Variants in RP1 observed in about 807,000 individuals in gnomAD.
RP1 encodes the protein oxygen-regulated protein 1.
RP1 carries 16 observed loss-of-function variants against 14.8 expected under a neutral mutation model. That is an observed-to-expected ratio of 1.08 (90% CI 0.73 to 1.65). RP1 has a LOEUF of 1.65. RP1 is among the 40% of genes most tolerant of loss of function. The pLI is 0.00. For synonymous variants in RP1, 876 were observed against 883.6 expected, an observed-to-expected ratio of 0.99 and a Z score of 0.15; for missense variants, 2,631 against 2,535.0, an observed-to-expected ratio of 1.04 and a Z score of -0.81.
At chr8:54,733,834 G>A (rs982654078) in intron 17 of RP1, among the ~76,000 whole-genome samples, 6 of 152,176 alleles carry the variant, frequency 3.9e-5, no homozygotes, top group Non-Finnish European at 5.9e-5. Context: ...GACCACAGGC[G>A]AAAGGGAGTG....
intron 23 of RP1, among the ~76,000 whole-genome samples, chr8:54,778,625 G>A (rs897387839): frequency 3.9e-5 from 6 of 152,092 alleles, no homozygotes; most frequent in African/African-American, 1.4e-4. Flanking sequence ...GCCCAGCCAT[G>A]TTAATGCTTC....
At chr8:54,666,890 T>A (rs1480271860) in intron 7 of RP1, among the ~76,000 whole-genome samples, 1 of 151,966 alleles carries the variant, frequency 6.6e-6, no homozygotes, top group Non-Finnish European at 1.5e-5. Flanking sequence ...ATCCCTTGGA[T>A]AGCAACCATA....
rs779743550 is a variant in RP1 at position 54,624,915 on chromosome 8, G to T, written c.1033G>T (p.Glu345Ter). ...AGTTCGATTCAGAATAAAAGAGGAA[G>T]AAACCATAAAATGGACAACTACTGT... ...MKVRFRIKEE[E>*]TIKWTTTVSK... The change falls in exon 4 of 4, where the codon GAA becomes TAA. Residue 345 changes from glutamate (E) to a stop codon, truncating the protein, a stop_gained. Transcript: ENST00000220676. LOFTEE classifies it low-confidence loss of function (END_TRUNC). 1 of 1,614,080 alleles carries T rather than the reference G, an allele frequency of 6.2e-7. No homozygotes were observed. The highest frequency in any genetic ancestry group is 1.3e-5 in the African/African-American group (1 of 75,034).
intron 19 of RP1, among the ~76,000 whole-genome samples, chr8:54,751,030 C>G (rs1356414584): frequency 6.6e-6 from 1 of 152,196 alleles, no homozygotes; most frequent in Non-Finnish European, 1.5e-5. Flanking sequence ...CTTGCTGCTG[C>G]TCACTCTTTG....
chr8:54,810,903 G>T (rs1810975251), intron 24 of RP1, among the ~76,000 whole-genome samples: 1 of 152,152 alleles, frequency 6.6e-6, no homozygotes. Context: ...ACCCCAAGTA[G>T]TAAGAGGTTC....
At chr8:54,769,033 C>T (rs531699975) in intron 22 of RP1, among the ~76,000 whole-genome samples, 1 of 151,854 alleles carries the variant, frequency 6.6e-6, no homozygotes, top group East Asian at 1.9e-4. Flanking sequence ...GTAGCTGGGA[C>T]TACAGGCGCC....
chr8:54,712,771 T>A (rs1049237404), intron 15 of RP1, among the ~76,000 whole-genome samples: 3 of 152,250 alleles, frequency 2.0e-5, no homozygotes, highest in African/African-American at 7.2e-5. Flanking sequence ...GTCATTTTAC[T>A]CAAAATGCCT....
rs73679484 is a variant in RP1, at chr8:54,574,391, G to A, written c.-13+15071G>A. Among the ~76,000 whole-genome samples the A allele has an allele frequency of 9.0e-3, 1,376 of 152,222 alleles. 23 individuals carry two copies. The highest frequency in any genetic ancestry group is 0.031 in the African/African-American group (1,301 of 41,530). On this transcript the variant is annotated intron_variant, in intron 1 of 22. Coordinates refer to the RP1 transcript ENST00000636932. The stretch of plus-strand genomic sequence containing the variant: ...GTGACTGCAGCACTAGGAGACAGGA[G>A]AGGAAAGGTCTGTTAGAGGAAGGGG...
chr8:54,570,390 G>A (rs894142950), intron 1 of RP1, among the ~76,000 whole-genome samples: 3 of 150,858 alleles, frequency 2.0e-5, no homozygotes, highest in African/African-American at 7.3e-5. Context: ...GTGCAGTGGT[G>A]TGATCTCGGC....
rs144287582 is a variant in RP1, at chr8:54,795,633, T to C, written c.3615+11923T>C. On this transcript the variant is annotated intron_variant, in intron 24 of 28. Transcript: ENST00000637698. ...TCTGCTCTGAGCTGGATGATAGATA[T>C]TTAGCAAAACTGAAACATGAAAGAA... Among the ~76,000 whole-genome samples the C allele has an allele frequency of 7.0e-4, 106 of 152,220 alleles. 2 individuals are homozygous for C. The East Asian group carries it at 0.018, about 26-fold the overall frequency.
intron 24 of RP1, among the ~76,000 whole-genome samples, chr8:54,802,818 AG>A (rs1810745493): frequency 6.6e-6 from 1 of 152,182 alleles, no homozygotes; most frequent in African/African-American, 2.4e-5. Context: ...AGATGCAAAA[AG>A]CTTTATGGGC....
At chr8:54,838,639 G>A (rs1811722445) in intron 25 of RP1, among the ~76,000 whole-genome samples, 1 of 152,136 alleles carries the variant, frequency 6.6e-6, no homozygotes, top group East Asian at 1.9e-4. Context: ...GCATGCATGT[G>A]ACACTATGTA....
chr8:54,770,321 A>T (rs1385611260), downstream of RP1, among the ~76,000 whole-genome samples: 1 of 152,068 alleles, frequency 6.6e-6, no homozygotes, highest in Non-Finnish European at 1.5e-5. Context: ...TAAGCATTAT[A>T]GTTGATTTAT....
intron 22 of RP1, among the ~76,000 whole-genome samples, chr8:54,767,281 AG>A (rs1235118792): frequency 6.6e-6 from 1 of 152,170 alleles, no homozygotes; most frequent in East Asian, 1.9e-4. Flanking sequence ...ACATGGGGCA[AG>A]GTTGCACAAG....
chr8:54,777,210 G>T (rs1430369026), intron 23 of RP1, among the ~76,000 whole-genome samples: 1 of 152,180 alleles, frequency 6.6e-6, no homozygotes, highest in African/African-American at 2.4e-5. Flanking sequence ...CTTTTAAACT[G>T]TATGTTTCAC....
chr8:54,843,801 C>G (rs1272300439), intron 25 of RP1, among the ~76,000 whole-genome samples: 1 of 152,136 alleles, frequency 6.6e-6, no homozygotes, highest in Non-Finnish European at 1.5e-5. Flanking sequence ...TCGCAGGGCT[C>G]AGGTGCAGAG....
rs577964883 is a variant in RP1 at position 54,608,881 on chromosome 8, T to G, written c.-12-12074T>G. On this transcript the variant is annotated intron_variant, in intron 1 of 22. Transcript: ENST00000636932. Reference sequence around the variant, plus strand: ...CCTCTACATCTAAGCACCATGAAGATGGGGGCTGGGACTGTCTTATCTGTA... The same window carrying G: ...CCTCTACATCTAAGCACCATGAAGAGGGGGGCTGGGACTGTCTTATCTGTA... Among the ~76,000 whole-genome samples the G allele has an allele frequency of 3.9e-5, 6 of 152,286 alleles. No individual in the cohort carries two copies. The East Asian group carries it at 1.2e-3, about 29-fold the overall frequency.
Position 54,644,586 on chromosome 8 carries a change from C to T in RP1, c.788-4399C>T, listed in dbSNP as rs72650332. The stretch of plus-strand genomic sequence containing the variant: ...GGATCAGTGAATCATATGTTTAATG[C>T]TGTTAGCAAGAGGTTGTTCAGGCAC... On this transcript the variant is annotated intron_variant, in intron 3 of 22. Coordinates refer to the RP1 transcript ENST00000636932. Among the ~76,000 whole-genome samples the T allele has an allele frequency of 8.7e-3, 1,332 of 152,272 alleles. 11 individuals are homozygous for T. The highest frequency in any genetic ancestry group is 0.014 in the Non-Finnish European group (985 of 68,010).
chr8:54,628,213 C>G lies in RP1; in HGVS notation c.4331C>G (p.Thr1444Ser). 6.2e-7 allele frequency: 1 copy of G among 1,613,956 alleles called. No individual in the cohort carries two copies. Among genetic ancestry groups the G allele is most frequent in the Non-Finnish European group, 8.5e-7 (1 of 1,179,904 alleles). The change falls in exon 4 of 4, where the codon ACT becomes AGT. Residue 1444 changes from threonine to serine, a missense_variant. Coordinates refer to ENST00000220676, the MANE Select transcript of RP1 (RefSeq NM_006269.2). ...TCCTTTGATATGGAAGAACCACGGACTTCTGAAGAACCAGGCTCAATAACC... is the reference window on the plus strand; with the variant it reads ...TCCTTTGATATGGAAGAACCACGGAGTTCTGAAGAACCAGGCTCAATAACC... The part of the protein sequence containing the change: ...YTSFDMEEPR[T>S]SEEPGSITNS...
Sources: allele counts gnomAD v4.1 joint callset (sites outside exome capture counted in the v4.1 genomes callset), GRCh38; gene constraint gnomAD v4.1.1; transcripts MANE v1.5; gene names NCBI Gene and HGNC (gene_info 2026-07-23, HGNC 2026-07-21).